Variants in IQCB1 observed in about 807,000 individuals in gnomAD.
The protein encoded by IQCB1 is IQ calmodulin-binding motif-containing protein 1.
Under a neutral mutation model 84.4 loss-of-function variants are expected in IQCB1, and 56 were observed. The observed-to-expected ratio is 0.66, with a 90% CI of 0.54 to 0.83. The LOEUF (loss-of-function observed/expected upper bound fraction) is 0.83. IQCB1 is among the 40% of genes least tolerant of loss of function. The pLI, the probability that IQCB1 is intolerant of heterozygous loss-of-function variation, is 0.00. For missense variants in IQCB1, 629 were observed against 682.1 expected, an observed-to-expected ratio of 0.92 and a Z score of 0.87; for synonymous variants, 210 against 234.8, an observed-to-expected ratio of 0.89 and a Z score of 0.96.
In IQCB1 at chr3:121,808,899, A is replaced by T; in HGVS notation, c.487+17T>A. 2 of 1,495,646 alleles carry T rather than the reference A, an allele frequency of 1.3e-6. No homozygotes were observed. Among genetic ancestry groups the T allele is most frequent in the Non-Finnish European group, 1.9e-6 (2 of 1,072,798 alleles). 92.6% of individuals were successfully genotyped at this position (1,495,646 alleles called of 1,614,324 possible). On this transcript the variant is annotated intron_variant, in intron 6 of 14. Coordinates refer to ENST00000310864, the MANE Select transcript of IQCB1 (RefSeq NM_001023570.4). The stretch of plus-strand genomic sequence containing the variant: ...CTCTACAATAGCTATTAGTTACATT[A>T]AAATCTTTTCTCTTACCATTCTGAA...
intron 12 of IQCB1, among the ~76,000 whole-genome samples, chr3:121,786,170 C>CGAAAAGAAAGAAAAG (rs1553710812): frequency 1.4e-5 from 1 of 72,844 alleles, no homozygotes; most frequent in African/African-American, 6.5e-5. Context: ...GATTCTGTCT[C>CGAAAAGAAAGAAAAG]AAAAGAAAAG....
chr3:121,793,716 T>A (rs1949078916), intron 10 of IQCB1, among the ~76,000 whole-genome samples: 2 of 152,348 alleles, frequency 1.3e-5, no homozygotes, highest in South Asian at 4.1e-4. Context: ...TCACAGCTTA[T>A]CTTTTTAATG....
rs184804663 is a variant in IQCB1, at chr3:121,810,704, G to A, written c.394-1695C>T. On this transcript the variant is annotated intron_variant, in intron 5 of 14. Transcript: ENST00000310864. ...TACATAATGGTCTGAGCTATTAATG[G>A]GACAGAAATTATTTTACAAATGAGG... 1.2e-3 allele frequency among the ~76,000 whole-genome samples: 178 copies of A among 152,120 alleles called. 1 individual carries two copies. Among genetic ancestry groups the A allele is most frequent in the Non-Finnish European group, 1.6e-3 (111 of 67,974 alleles).
intron 13 of IQCB1, 110 bp from the exon 14 acceptor site, chr3:121,772,823 G>GATA: frequency 1.1e-6 from 1 of 934,046 alleles, no homozygotes; most frequent in Non-Finnish European, 1.7e-6. Flanking sequence ...TTTATCAATT[G>GATA]AATCTTATGA....
intron 13 of IQCB1, among the ~76,000 whole-genome samples, chr3:121,776,068 A>T (rs1948213680): frequency 1.3e-5 from 2 of 151,668 alleles, no homozygotes. Context: ...TTCTTTAAAA[A>T]TTTTTTTTGA....
Position 121,835,005 on chromosome 3 carries a change from GCTCCCA to G in IQCB1, c.-147_-142del, listed in dbSNP as rs72421117. On this transcript the variant is annotated 5_prime_UTR_variant, in exon 1 of 15. Coordinates refer to ENST00000310864, the MANE Select transcript of IQCB1 (RefSeq NM_001023570.4). ...GCGTTCTTCCACTAAAGAACCTGGG[GCTCCCA>G]CGCCGCACTACAGCGCCGCGGCCTT... The G allele has an allele frequency of 0.62, 320,459 of 518,464 alleles. 101,317 individuals are homozygous for G. The highest frequency in any genetic ancestry group is 0.72 in the African/African-American group (37,347 of 52,168). 32.1% of individuals were successfully genotyped at this position (518,464 alleles called of 1,614,324 possible). A position where few individuals can be genotyped will look rare whatever the true frequency, so the allele number is the denominator to read the frequency against.
intron 2 of IQCB1, among the ~76,000 whole-genome samples, chr3:121,830,633 C>T (rs1422519194): frequency 1.3e-5 from 2 of 152,024 alleles, no homozygotes; most frequent in African/African-American, 4.8e-5. Flanking sequence ...ATGTTTTTGT[C>T]CACAGTTTCT....
At chr3:121,814,540 G>C (rs537013880) in intron 5 of IQCB1, among the ~76,000 whole-genome samples, 1 of 152,070 alleles carries the variant, frequency 6.6e-6, no homozygotes, top group Admixed American at 6.6e-5. Flanking sequence ...AAAGAAAGGC[G>C]AGAAGAATCA....
chr3:121,781,664 A>ACAC, intron 13 of IQCB1, 79 bp downstream of exon 13: 39 of 964,204 alleles, frequency 4.0e-5, no homozygotes, highest in Non-Finnish European at 5.2e-5. Context: ...CACACACACA[A>ACAC]TATATGTGTG....
intron 5 of IQCB1, among the ~76,000 whole-genome samples, chr3:121,815,855 T>G (rs1950030556): frequency 6.7e-6 from 1 of 150,246 alleles, no homozygotes. Flanking sequence ...ATAGATTCAA[T>G]GCTATTTCCA....
chr3:121,829,018 A>G lies in IQCB1; in HGVS notation c.-12-46T>C, dbSNP rs555749436. The G allele has an allele frequency of 2.5e-4, 244 of 967,442 alleles. 1 individual carries two copies. In the South Asian group the frequency reaches 3.0e-3, roughly 12 times the overall value. The allele number at this position is 967,442 out of a possible 1,614,324, so 59.9% of individuals were successfully genotyped here. ...AGAATAAAGGTCAAAAAGCCAGGAA[A>G]TGTTCACTACCTAAATAATGTTTGA... On this transcript the variant is annotated intron_variant, in intron 2 of 14. Transcript: ENST00000310864.
chr3:121,780,883 T>TGTGTGTGAGAGA (rs34302377), intron 13 of IQCB1, among the ~76,000 whole-genome samples: 4 of 148,900 alleles, frequency 2.7e-5, no homozygotes, highest in East Asian at 2.0e-4. Flanking sequence ...TGTGTGTGTG[T>TGTGTGTGAGAGA]GAGAGAGAGA....
At chr3:121,811,841 C>A (rs998587923) in intron 5 of IQCB1, among the ~76,000 whole-genome samples, 3 of 152,226 alleles carry the variant, frequency 2.0e-5, no homozygotes, top group African/African-American at 7.2e-5. Flanking sequence ...ACTGTGGGTG[C>A]AGTTTCAGCA....
At chr3:121,803,660 T>C (rs1949494627) in intron 7 of IQCB1, among the ~76,000 whole-genome samples, 1 of 152,240 alleles carries the variant, frequency 6.6e-6, no homozygotes, top group Admixed American at 6.5e-5. Flanking sequence ...AATAAACACA[T>C]CCTTTTGATG....
intron 5 of IQCB1, among the ~76,000 whole-genome samples, chr3:121,817,491 C>T (rs1042372599): frequency 2.0e-5 from 3 of 151,982 alleles, no homozygotes; most frequent in Admixed American, 2.0e-4. Flanking sequence ...CTCAAAGCAG[C>T]AGGTTGTCTG....
chr3:121,807,217 T>C (rs1172332514), intron 7 of IQCB1, 127 bp downstream of exon 7: 1 of 652,074 alleles, frequency 1.5e-6, no homozygotes, highest in Non-Finnish European at 2.9e-6. Flanking sequence ...TATACGAGTA[T>C]ATAGTGCATA....
At chr3:121,803,947 T>A (rs958514360) in intron 7 of IQCB1, among the ~76,000 whole-genome samples, 1 of 152,176 alleles carries the variant, frequency 6.6e-6, no homozygotes, top group South Asian at 2.1e-4. Flanking sequence ...CTAAGATAGA[T>A]AGGTTTAAAT....
chr3:121,799,292 G>T lies in IQCB1; in HGVS notation c.670C>A (p.Pro224Thr). The change falls in exon 8 of 15, where the codon CCA (proline) becomes ACA (threonine). Residue 224 changes from proline (P) to threonine (T), a missense_variant. By Grantham distance (38) the Pro-to-Thr change is conservative (BLOSUM62 -1). Transcript: ENST00000310864. ...TTTGTAGCAGTACTTCTTATAACTGGACTAGGAGTTGAAAAAAGCTTGAAA... is the reference window on the plus strand; with the variant it reads ...TTTGTAGCAGTACTTCTTATAACTGTACTAGGAGTTGAAAAAAGCTTGAAA... ...VIFKLFSTPS[P>T]VIRSTATKLL... The T allele has an allele frequency of 6.2e-7, 1 of 1,606,600 alleles. No homozygotes were observed. The highest frequency in any genetic ancestry group is 8.5e-7 in the Non-Finnish European group (1 of 1,174,364).
chr3:121,772,878 TA>T (rs1948060226), intron 13 of IQCB1, among the ~76,000 whole-genome samples, 165 bp from the exon 14 acceptor site: 1 of 152,272 alleles, frequency 6.6e-6, no homozygotes, highest in Non-Finnish European at 1.5e-5. Context: ...ATTAGTCTCT[TA>T]AAAGTTTTAG....
Sources: gnomAD v4.1 joint callset for allele counts (sites outside exome capture counted in the v4.1 genomes callset) on GRCh38, gnomAD v4.1.1 for gene constraint, MANE v1.5 for transcripts, NCBI Gene and HGNC (gene_info 2026-07-23, HGNC 2026-07-21) for gene names.